MYRIP: variants seen among roughly 807,000 people sequenced by gnomAD.
MYRIP encodes rab effector MyRIP.
A neutral mutation model predicts 98.0 loss-of-function variants in MYRIP; 49 were observed. The ratio of observed to expected loss-of-function variants is 0.50; its 90% CI spans 0.40 to 0.63. The LOEUF (loss-of-function observed/expected upper bound fraction) is 0.63, where lower values mean the gene tolerates loss of function less well. Among genes scored for constraint, MYRIP ranks in the 30% least tolerant of loss-of-function variants. The probability of loss-of-function intolerance (pLI) is 0.00; values close to 1 mark genes in which losing one functional copy is unlikely to be tolerated. For missense variants in MYRIP, 1,004 were observed against 1,058.2 expected (o/e 0.95, Z 0.71); for synonymous variants, 404 against 409.5 (o/e 0.99, Z 0.16).
chr3:40,105,634 C>A (rs569091061), intron 3 of MYRIP, among the ~76,000 whole-genome samples: 1 of 152,174 alleles, frequency 6.6e-6, no homozygotes, highest in East Asian at 1.9e-4. Context: ...AAGAAATACC[C>A]AAGATTGGGT....
intron 3 of MYRIP, among the ~76,000 whole-genome samples, chr3:40,102,722 G>A (rs1463631663): frequency 6.6e-6 from 1 of 152,024 alleles, no homozygotes; most frequent in African/African-American, 2.4e-5. Context: ...GCATCTCAGA[G>A]TTAGGTATGT....
rs1453398212 is a variant in MYRIP at position 39,945,490 on chromosome 3, AAG to A, written c.110+44566_110+44567del. ...AGACTCCATCTCAAAAAAAAAAAAA[AAG>A]AAAAAAGAAAAAAAAAGAATGTATC... On this transcript the variant is annotated intron_variant, in intron 2 of 16. Transcript: ENST00000302541. Among the ~76,000 whole-genome samples, 401 of 131,296 alleles carry A rather than the reference AAG, an allele frequency of 3.1e-3. 16 individuals carry two copies. Among genetic ancestry groups the A allele is most frequent in the African/African-American group, 0.013 (380 of 29,692 alleles). The allele number at this position is 131,296 out of a possible 152,430, so 86.1% of individuals were successfully genotyped here. A position where few individuals can be genotyped will look rare whatever the true frequency, so the allele number is the denominator to read the frequency against.
chr3:39,849,175 G>A (rs895518485), intron 1 of MYRIP, among the ~76,000 whole-genome samples: 8 of 152,140 alleles, frequency 5.3e-5, no homozygotes, highest in African/African-American at 1.9e-4. Context: ...AAAATGATGG[G>A]CTACAACTTG....
chr3:40,011,026 T>C (rs970367228), intron 2 of MYRIP, among the ~76,000 whole-genome samples: 1 of 152,084 alleles, frequency 6.6e-6, no homozygotes, highest in African/African-American at 2.4e-5. Flanking sequence ...CCCCATGTCA[T>C]TGAGAACCCA....
chr3:39,919,727 T>TGTGTGA lies in MYRIP; in HGVS notation c.110+18802_110+18803insTGTGAG, dbSNP rs1553645683. Among the ~76,000 whole-genome samples the TGTGTGA allele has an allele frequency of 3.6e-4, 44 of 123,486 alleles. No individual in the cohort carries two copies. The East Asian group carries it at 4.8e-3, about 13-fold the overall frequency. 81.0% of individuals were successfully genotyped at this position (123,486 alleles called of 152,430 possible). On this transcript the variant is annotated intron_variant, in intron 2 of 16. Transcript: ENST00000302541. ...GTGTGTGTGTGTGTGTGTGTGTGTG[T>TGTGTGA]GAGAGAGAGAGAGAGAGAGAGAAAT...
chr3:40,199,635 C>T (rs1207905905), intron 10 of MYRIP, among the ~76,000 whole-genome samples: 8 of 152,162 alleles, frequency 5.3e-5, no homozygotes, highest in Admixed American at 5.2e-4. Flanking sequence ...AAAATCTACT[C>T]AGAACTGTAT....
chr3:40,204,557 C>G (rs1951744370), intron 10 of MYRIP, among the ~76,000 whole-genome samples: 1 of 151,982 alleles, frequency 6.6e-6, no homozygotes, highest in African/African-American at 2.4e-5. Flanking sequence ...CTCCATTAGC[C>G]TCCCCATTCT....
chr3:40,020,822 C>G (rs887708716), intron 2 of MYRIP, among the ~76,000 whole-genome samples: 1 of 152,080 alleles, frequency 6.6e-6, no homozygotes, highest in African/African-American at 2.4e-5. Flanking sequence ...TCTCCAACAC[C>G]ATTGTAGCCA....
Position 39,935,839 on chromosome 3 carries a change from A to T in MYRIP, c.110+34913A>T, listed in dbSNP as rs1004960496. ...TGGGAGAGAAATGGCCACTATTGCC[A>T]TGTTGTAAGTATGTGTTTCTAGCCT... On this transcript the variant is annotated intron_variant, in intron 2 of 16. Coordinates refer to ENST00000302541, the MANE Select transcript of MYRIP (RefSeq NM_015460.4). Among the ~76,000 whole-genome samples, 28 of 152,276 alleles carry T rather than the reference A, an allele frequency of 1.8e-4. No individual in the cohort carries two copies. The Middle Eastern group carries it at 0.02, about 111-fold the overall frequency.
In MYRIP at chr3:39,829,930, A is replaced by G. The variant is rs1046697748; in HGVS notation, c.-31+20014A>G. Among the ~76,000 whole-genome samples, 3 of 152,028 alleles carry G rather than the reference A, an allele frequency of 2.0e-5. No homozygotes were observed. In the South Asian group the frequency reaches 6.2e-4, roughly 32 times the overall value. On this transcript the variant is annotated intron_variant, in intron 1 of 16. Coordinates refer to ENST00000302541, the MANE Select transcript of MYRIP (RefSeq NM_015460.4). ...CTCAGTTCTTTACCTTTTCTGCTCA[A>G]ATTATCTCTCCTCCACCTGGCCCTG...
chr3:39,960,008 G>A (rs905260550), intron 2 of MYRIP, among the ~76,000 whole-genome samples: 3 of 152,056 alleles, frequency 2.0e-5, no homozygotes, highest in African/African-American at 7.2e-5. Flanking sequence ...AGAAGGAACT[G>A]GCATCAGCTT....
At chr3:39,824,334 G>C (rs140819406) in intron 1 of MYRIP, among the ~76,000 whole-genome samples, 138 of 152,078 alleles carry the variant, frequency 9.1e-4, no homozygotes, top group Non-Finnish European at 1.5e-3. Flanking sequence ...TGGCTGTTTG[G>C]GGTCTTTTGT....
chr3:39,812,856 C>T (rs899128147), intron 1 of MYRIP, among the ~76,000 whole-genome samples: 5 of 152,180 alleles, frequency 3.3e-5, no homozygotes, highest in African/African-American at 1.2e-4. Flanking sequence ...ACATGATTTC[C>T]AACTACTATT....
At chr3:39,914,798 T>G (rs940024542) in intron 2 of MYRIP, among the ~76,000 whole-genome samples, 1 of 152,096 alleles carries the variant, frequency 6.6e-6, no homozygotes, top group Non-Finnish European at 1.5e-5. Flanking sequence ...GATAAAATAG[T>G]TGAGAAAAAT....
intron 11 of MYRIP, among the ~76,000 whole-genome samples, chr3:40,229,247 C>T (rs186211105): frequency 6.6e-6 from 1 of 152,126 alleles, no homozygotes; most frequent in Non-Finnish European, 1.5e-5. Context: ...TTTATAGCAA[C>T]ACATTTTTAT....
chr3:39,980,427 A>G lies in MYRIP; in HGVS notation c.111-63623A>G, dbSNP rs535757748. Among the ~76,000 whole-genome samples the G allele has an allele frequency of 3.3e-5, 5 of 152,352 alleles. No individual in the cohort carries two copies. The South Asian group carries it at 1.0e-3, about 32-fold the overall frequency. On this transcript the variant is annotated intron_variant, in intron 2 of 16. Transcript: ENST00000302541. ...CCAGAGAAGGGAGACAGCAACAGAGAAAATGAATGCAAGTTTAAGGAGCTC... is the reference window on the plus strand; with the variant it reads ...CCAGAGAAGGGAGACAGCAACAGAGGAAATGAATGCAAGTTTAAGGAGCTC...
At chr3:39,859,794 T>C (rs1942412617) in intron 1 of MYRIP, among the ~76,000 whole-genome samples, 1 of 152,164 alleles carries the variant, frequency 6.6e-6, no homozygotes, top group Admixed American at 6.5e-5. Context: ...AGAAAAAGCA[T>C]TTGACAAAAT....
Position 40,160,883 on chromosome 3 carries a change from C to T in MYRIP, c.470-1847C>T, listed in dbSNP as rs1391222331. On this transcript the variant is annotated intron_variant, in intron 4 of 16. Transcript: ENST00000302541. ...GGTTCGCACACGGTGCGCACACCCA[C>T]TGACCTGTGCCCACTGTCTGGCACT... Among the ~76,000 whole-genome samples the T allele has an allele frequency of 3.9e-5, 6 of 152,314 alleles. No homozygotes were observed. The East Asian group carries it at 1.2e-3, about 29-fold the overall frequency.
At chr3:39,999,075 CT>C (rs1385375023) in intron 2 of MYRIP, among the ~76,000 whole-genome samples, 1 of 152,160 alleles carries the variant, frequency 6.6e-6, no homozygotes, top group Non-Finnish European at 1.5e-5. Context: ...CATAAAAACC[CT>C]AGAAGAAAAC....
Sources: allele counts gnomAD v4.1 joint callset (sites outside exome capture counted in the v4.1 genomes callset), GRCh38; gene constraint gnomAD v4.1.1; transcripts MANE v1.5; gene names NCBI Gene and HGNC (gene_info 2026-07-23, HGNC 2026-07-21).